PKDCC: variants seen among roughly 807,000 people sequenced by gnomAD.
The protein encoded by PKDCC is protein kinase domain containing, cytoplasmic.
A neutral mutation model predicts 44.7 loss-of-function variants in PKDCC; 35 were observed. The observed-to-expected ratio is 0.78, with a 90% confidence interval of 0.60 to 1.04. The LOEUF is 1.04. Ranked by LOEUF, PKDCC falls within the 50% of genes least tolerant of loss-of-function variation. PKDCC has a pLI of 0.00. For synonymous variants in PKDCC, 353 were observed against 303.3 expected, an observed-to-expected ratio of 1.16 and a Z score of -1.70; for missense variants, 738 against 672.7, an observed-to-expected ratio of 1.10 and a Z score of -1.07.
chr2:42,048,706 C>T lies in PKDCC; in HGVS notation c.507C>T (p.Asp169=). ...CCGCGGTGGCGCTCAAGGCGGTGGA[C>T]TTTAGCGGCCACGATCTGGGCAGCT... The part of the protein sequence containing the change: ...GGAAVALKAV[D]FSGHDLGSCV... Residue 169 remains aspartate, a synonymous_variant, in exon 1 of 7, where the codon GAC becomes GAT. Coordinates refer to ENST00000294964, the MANE Select transcript of PKDCC (RefSeq NM_138370.3). This position sits in a 1 kb window ranked among gnomAD's most constrained non-coding sequence, Gnocchi z 6.2. The T allele has an allele frequency of 1.3e-6, 2 of 1,555,394 alleles. No individual in the cohort carries two copies. Among genetic ancestry groups the T allele is most frequent in the Non-Finnish European group, 1.7e-6 (2 of 1,150,876 alleles).
chr2:42,048,182 G>A lies in PKDCC; in HGVS notation c.-18G>A. The A allele has an allele frequency of 9.1e-7, 1 of 1,098,236 alleles. No homozygotes were observed. Among genetic ancestry groups the A allele is most frequent in the Non-Finnish European group, 1.1e-6 (1 of 906,594 alleles). 68.0% of individuals were successfully genotyped at this position (1,098,236 alleles called of 1,614,324 possible). A position where few individuals can be genotyped will look rare whatever the true frequency, so the allele number is the denominator to read the frequency against. On this transcript the variant is annotated 5_prime_UTR_variant, in exon 1 of 7. Transcript: ENST00000294964. This position sits in a 1 kb window ranked among gnomAD's most constrained non-coding sequence, Gnocchi z 6.2. ...CCGGGGAGCCGCGCGGGGCCGGCCG[G>A]CCGGGGGGAGGGGAGCGATGCGGCG...
Position 42,055,061 on chromosome 2 carries a change from C to T in PKDCC, c.1114+41C>T, listed in dbSNP as rs768561981. The T allele has an allele frequency of 4.5e-6, 7 of 1,569,476 alleles. 1 individual carries two copies. In the South Asian group the frequency reaches 6.7e-5, roughly 15 times the overall value. ...CCCATCTGCTTCCAGGCACCTACCC[C>T]ACCCCCACCCGCCAGCAAAAGTGGG... On this transcript the variant is annotated intron_variant, in intron 4 of 6. Coordinates refer to ENST00000294964, the MANE Select transcript of PKDCC (RefSeq NM_138370.3). This position sits in a 1 kb window ranked among gnomAD's most constrained non-coding sequence, Gnocchi z 4.5.
rs910242612 is a variant in PKDCC at position 42,051,087 on chromosome 2, CT to C, written c.640-2151del. Among the ~76,000 whole-genome samples, 5 of 152,174 alleles carry C rather than the reference CT, an allele frequency of 3.3e-5. No individual in the cohort carries two copies. The highest frequency in any genetic ancestry group is 2.9e-5 in the Non-Finnish European group (2 of 68,020). On this transcript the variant is annotated intron_variant, in intron 1 of 6. Transcript: ENST00000294964. This position sits in a 1 kb window ranked among gnomAD's most constrained non-coding sequence, Gnocchi z 4.2. Reference sequence around the variant, plus strand: ...GTGGTGCAGGCTCACCACCCTCCCTCTCTGAGCAGCCCAGAATTGGTGCTGT... The same window carrying C: ...GTGGTGCAGGCTCACCACCCTCCCTCCTGAGCAGCCCAGAATTGGTGCTGT...
At position 42,054,024 on chromosome 2, in the gene PKDCC, T is replaced by C; in HGVS notation, c.763-12T>C. 1.9e-6 allele frequency: 3 copies of C among 1,606,260 alleles called. No individual in the cohort carries two copies. The highest frequency in any genetic ancestry group is 2.6e-6 in the Non-Finnish European group (3 of 1,175,872). On this transcript the variant is annotated splice_polypyrimidine_tract_variant and intron_variant, in intron 2 of 6. Coordinates refer to ENST00000294964, the MANE Select transcript of PKDCC (RefSeq NM_138370.3). The surrounding 1 kb of genome is among the most constrained non-coding windows in gnomAD (Gnocchi z 6.1). ...AGAAAAGCAGTGAGCAGTCTTTTCTTGTGCCCCTCAGATCTGCCTGAGCCT... is the reference window on the plus strand; with the variant it reads ...AGAAAAGCAGTGAGCAGTCTTTTCTCGTGCCCCTCAGATCTGCCTGAGCCT...
Position 42,054,824 on chromosome 2 carries a change from C to A in PKDCC, c.1035-117C>A. On this transcript the variant is annotated intron_variant, in intron 3 of 6. Transcript: ENST00000294964. The surrounding 1 kb of genome is among the most constrained non-coding windows in gnomAD (Gnocchi z 6.1). Reference sequence around the variant, plus strand: ...GACTTCACTGCGTTCTGCCTGGTTGCTAGGCCTGAGGGATCCGGCTCCCTG... The same window carrying A: ...GACTTCACTGCGTTCTGCCTGGTTGATAGGCCTGAGGGATCCGGCTCCCTG... 1 of 961,478 alleles carries A rather than the reference C, an allele frequency of 1.0e-6. No individual in the cohort carries two copies. The highest frequency in any genetic ancestry group is 1.7e-6 in the Non-Finnish European group (1 of 595,262). The allele number at this position is 961,478 out of a possible 1,614,324, so 59.6% of individuals were successfully genotyped here. A position where few individuals can be genotyped will look rare whatever the true frequency, so the allele number is the denominator to read the frequency against.
chr2:42,052,978 G>A lies in PKDCC; in HGVS notation c.640-261G>A, dbSNP rs1667993273. 6.6e-6 allele frequency among the ~76,000 whole-genome samples: 1 copy of A among 152,168 alleles called. No individual in the cohort carries two copies. The highest frequency in any genetic ancestry group is 2.4e-5 in the African/African-American group (1 of 41,440). On this transcript the variant is annotated intron_variant, in intron 1 of 6. Transcript: ENST00000294964. This position sits in a 1 kb window ranked among gnomAD's most constrained non-coding sequence, Gnocchi z 4.3. ...GTAGAGCAATTTAGCATGGTACCTG[G>A]CACGTGGTTAACTCACAGTGGCCAG...
chr2:42,055,377 G>T lies in PKDCC; in HGVS notation c.1206G>T (p.Thr402=), dbSNP rs374897238. 1 of 1,613,554 alleles carries T rather than the reference G, an allele frequency of 6.2e-7. No homozygotes were observed. The highest frequency in any genetic ancestry group is 1.1e-5 in the South Asian group (1 of 90,924). ...YRSGQYLQNS[T]ASSSTEYQCI... Reference sequence around the variant, plus strand: ...GCGGGCAGTATCTGCAGAACTCCACGGCAAGCAGCAGTACCGGTGAGTGGC... The same window carrying T: ...GCGGGCAGTATCTGCAGAACTCCACTGCAAGCAGCAGTACCGGTGAGTGGC... The change falls in exon 5 of 7, where the codon ACG becomes ACT. Residue 402 remains threonine, a synonymous_variant. Transcript: ENST00000294964. This position sits in a 1 kb window ranked among gnomAD's most constrained non-coding sequence, Gnocchi z 4.5.
chr2:42,055,439 G>C lies in PKDCC; in HGVS notation c.1222+46G>C. 1 of 1,561,262 alleles carries C rather than the reference G, an allele frequency of 6.4e-7. No homozygotes were observed. The highest frequency in any genetic ancestry group is 8.8e-7 in the Non-Finnish European group (1 of 1,141,100). On this transcript the variant is annotated intron_variant, in intron 5 of 6. Coordinates refer to ENST00000294964, the MANE Select transcript of PKDCC (RefSeq NM_138370.3). This position sits in a 1 kb window ranked among gnomAD's most constrained non-coding sequence, Gnocchi z 4.5. ...CCACAGGGAAGCAAGAAACAGGTGG[G>C]AGGGTGAATGACCCCGCCCAATTAG...
chr2:42,048,028 T>G lies in PKDCC; in HGVS notation c.-172T>G, dbSNP rs1220261898. The stretch of plus-strand genomic sequence containing the variant: ...GGGGGCAGGGCGGCAGGGAGGCAAG[T>G]GTCAGGCCGATGTGTCGCCCGCGAG... On this transcript the variant is annotated 5_prime_UTR_variant, in exon 1 of 7. Coordinates refer to ENST00000294964, the MANE Select transcript of PKDCC (RefSeq NM_138370.3). This position sits in a 1 kb window ranked among gnomAD's most constrained non-coding sequence, Gnocchi z 6.2. The G allele has an allele frequency of 6.1e-6, 1 of 164,836 alleles. No individual in the cohort carries two copies. Among genetic ancestry groups the G allele is most frequent in the African/African-American group, 2.9e-5 (1 of 34,014 alleles). The allele number at this position is 164,836 out of a possible 1,614,324, so 10.2% of individuals were successfully genotyped here.
chr2:42,054,210 A>G lies in PKDCC; in HGVS notation c.937A>G (p.Ile313Val). The change falls in exon 3 of 7, where the codon ATA becomes GTA. Residue 313 changes from isoleucine to valine, a missense_variant. By Grantham distance (29) the Ile-to-Val change is conservative. Coordinates refer to ENST00000294964, the MANE Select transcript of PKDCC (RefSeq NM_138370.3). This position sits in a 1 kb window ranked among gnomAD's most constrained non-coding sequence, Gnocchi z 6.1. The part of the protein sequence containing the change: ...ETPCAGSTDC[I>V]LEFPARNFTL... ...GCCGTGTGCAGGCAGCACCGACTGCATACTCGAGTTTCCGGCCAGGAACTT... is the reference window on the plus strand; with the variant it reads ...GCCGTGTGCAGGCAGCACCGACTGCGTACTCGAGTTTCCGGCCAGGAACTT... The G allele has an allele frequency of 6.2e-7, 1 of 1,605,546 alleles. No homozygotes were observed. The highest frequency in any genetic ancestry group is 8.5e-7 in the Non-Finnish European group (1 of 1,175,846).
Position 42,054,307 on chromosome 2 carries a change from G to A in PKDCC, c.1034G>A (p.Arg345Lys), listed in dbSNP as rs759177133. The A allele has an allele frequency of 1.3e-6, 2 of 1,597,258 alleles. No individual in the cohort carries two copies. Among genetic ancestry groups the A allele is most frequent in the East Asian group, 2.3e-5 (1 of 44,366 alleles). The stretch of plus-strand genomic sequence containing the variant: ...AAGCGGAACCTCTATAATGCCTACA[G>A]GTGACCTCCACCCCTGACTCGGGAA... Reference protein sequence around the residue: ...NEKRNLYNAYRFFFTYLLPHS... With the variant: ...NEKRNLYNAYKFFFTYLLPHS... The change falls in exon 3 of 7, where the codon AGG (arginine) becomes AAG (lysine). Residue 345 changes from arginine to lysine, a missense_variant and splice_region_variant. Coordinates refer to ENST00000294964, the MANE Select transcript of PKDCC (RefSeq NM_138370.3). The surrounding 1 kb of genome is among the most constrained non-coding windows in gnomAD (Gnocchi z 6.1).
In PKDCC at chr2:42,055,351, A is replaced by C; in HGVS notation, c.1180A>C (p.Ser394Arg). The part of the protein sequence containing the change: ...QLEKVLHLYR[S>R]GQYLQNSTAS... ...GGAGAAGGTGCTGCACCTGTACCGGAGCGGGCAGTATCTGCAGAACTCCAC... is the reference window on the plus strand; with the variant it reads ...GGAGAAGGTGCTGCACCTGTACCGGCGCGGGCAGTATCTGCAGAACTCCAC... Residue 394 changes from serine to arginine, a missense_variant, in exon 5 of 7, where the codon AGC becomes CGC. Physicochemically the swap from Ser to Arg is moderately radical, Grantham distance 110. Transcript: ENST00000294964. The surrounding 1 kb of genome is among the most constrained non-coding windows in gnomAD (Gnocchi z 4.5). The C allele has an allele frequency of 1.2e-6, 2 of 1,613,762 alleles. No homozygotes were observed. The highest frequency in any genetic ancestry group is 1.7e-6 in the Non-Finnish European group (2 of 1,179,996).
At chr2:42,057,002 T>C (rs1274603690) in intron 5 of PKDCC, among the ~76,000 whole-genome samples, 2 of 152,154 alleles carry the variant, frequency 1.3e-5, no homozygotes, top group South Asian at 2.1e-4. Flanking sequence ...TTGGGAAATA[T>C]GTATCTCCTG....
intron 1 of PKDCC, 46 bp from the exon 2 acceptor site, chr2:42,053,193 C>T (rs1667997549): frequency 2.5e-6 from 3 of 1,211,020 alleles, no homozygotes; most frequent in African/African-American, 1.5e-5. Context: ...TTCCCTGTCC[C>T]CACCCCCACC....
chr2:42,048,508 T>C lies in PKDCC; in HGVS notation c.309T>C (p.Pro103=). Residue 103 remains proline (P), a synonymous_variant, in exon 1 of 7, where the codon CCT becomes CCC. Transcript: ENST00000294964. This position sits in a 1 kb window ranked among gnomAD's most constrained non-coding sequence, Gnocchi z 6.2. ...CCGGCCTGCCGCGCCCCCGGCCCCC[T>C]TGGGCCCGGCCCCTGTCCGACGGCG... is the stretch of plus-strand genomic sequence containing the variant. ...GGPGLPRPRP[P]WARPLSDGAP... 9.0e-7 allele frequency: 1 copy of C among 1,116,178 alleles called. No individual in the cohort carries two copies. The highest frequency in any genetic ancestry group is 4.3e-5 in the South Asian group (1 of 23,422). 69.1% of individuals were successfully genotyped at this position (1,116,178 alleles called of 1,614,324 possible). A position where few individuals can be genotyped will look rare whatever the true frequency, so the allele number is the denominator to read the frequency against.
At position 42,055,602 on chromosome 2, in the gene PKDCC, C is replaced by T. The variant is rs941986883; in HGVS notation, c.1222+209C>T. The T allele has an allele frequency of 1.8e-6, 1 of 562,526 alleles. No homozygotes were observed. The highest frequency in any genetic ancestry group is 3.2e-6 in the Non-Finnish European group (1 of 314,202). 34.8% of individuals were successfully genotyped at this position (562,526 alleles called of 1,614,324 possible). A position where few individuals can be genotyped will look rare whatever the true frequency, so the allele number is the denominator to read the frequency against. On this transcript the variant is annotated intron_variant, in intron 5 of 6. Coordinates refer to ENST00000294964, the MANE Select transcript of PKDCC (RefSeq NM_138370.3). The surrounding 1 kb of genome is among the most constrained non-coding windows in gnomAD (Gnocchi z 4.5). ...TGAGCTAGAGCAACTATAATTCTGC[C>T]TTCAACCTGGGGTTGGGCACTGATA...
At position 42,055,301 on chromosome 2, in the gene PKDCC, G is replaced by C. The variant is rs770985308; in HGVS notation, c.1130G>C (p.Gly377Ala). ...CACTCTGCAGGAGAGCTCGCCTGGG[G>C]GGTGGACGAGACCCTGGCCCAGCTG... Reference protein sequence around the residue: ...IVNATGELAWGVDETLAQLEK... With the variant: ...IVNATGELAWAVDETLAQLEK... The change falls in exon 5 of 7, where the codon GGG (glycine) becomes GCG (alanine). Residue 377 changes from glycine to alanine, a missense_variant. Physicochemically the swap from Gly to Ala is moderately conservative, Grantham distance 60 (BLOSUM62 0). Transcript: ENST00000294964. This position sits in a 1 kb window ranked among gnomAD's most constrained non-coding sequence, Gnocchi z 4.5. 2.5e-6 allele frequency: 4 copies of C among 1,613,306 alleles called. No individual in the cohort carries two copies. The highest frequency in any genetic ancestry group is 3.4e-6 in the Non-Finnish European group (4 of 1,179,950).
chr2:42,052,668 G>T lies in PKDCC; in HGVS notation c.640-571G>T, dbSNP rs547601706. On this transcript the variant is annotated intron_variant, in intron 1 of 6. Coordinates refer to ENST00000294964, the MANE Select transcript of PKDCC (RefSeq NM_138370.3). The surrounding 1 kb of genome is among the most constrained non-coding windows in gnomAD (Gnocchi z 4.3). ...GGAGGCTGAGGCAGGAGAATCGCCCGCACCCAGGAAGCAGAGTGAGCTGAG... is the reference window on the plus strand; with the variant it reads ...GGAGGCTGAGGCAGGAGAATCGCCCTCACCCAGGAAGCAGAGTGAGCTGAG... 6.6e-6 allele frequency among the ~76,000 whole-genome samples: 1 copy of T among 151,488 alleles called. No homozygotes were observed. Among genetic ancestry groups the T allele is most frequent in the South Asian group, 2.1e-4 (1 of 4,790 alleles).
rs1453942636 is a variant in PKDCC, at chr2:42,048,226, C to A, written c.27C>A (p.Ala9=). 5 of 1,242,960 alleles carry A rather than the reference C, an allele frequency of 4.0e-6. No individual in the cohort carries two copies. The highest frequency in any genetic ancestry group is 5.1e-6 in the Non-Finnish European group (5 of 981,750). The allele number at this position is 1,242,960 out of a possible 1,614,324, so 77.0% of individuals were successfully genotyped here. A position where few individuals can be genotyped will look rare whatever the true frequency, so the allele number is the denominator to read the frequency against. The change falls in exon 1 of 7, where the codon GCC becomes GCA. Residue 9 remains alanine (A), a synonymous_variant. Transcript: ENST00000294964. This position sits in a 1 kb window ranked among gnomAD's most constrained non-coding sequence, Gnocchi z 6.2. MRRRRAAV[A]AGFCASFLLG... is the part of the protein sequence containing the mutation. The stretch of plus-strand genomic sequence containing the variant: ...TGCGGCGCCGGCGGGCGGCAGTGGC[C>A]GCGGGTTTCTGCGCCTCCTTCCTGC...
Sources: gnomAD v4.1 joint callset for allele counts (sites outside exome capture counted in the v4.1 genomes callset) on GRCh38, gnomAD v4.1.1 for gene constraint, Gnocchi (gnomAD v3.1) non-coding constraint, MANE v1.5 for transcripts, NCBI Gene and HGNC (gene_info 2026-07-23, HGNC 2026-07-21) for gene names.